PAPSS1: variants seen among roughly 807,000 people sequenced by gnomAD.
The protein encoded by PAPSS1 is 3'-phosphoadenosine 5'-phosphosulfate synthase 1.
In PAPSS1, 50 loss-of-function variants were observed where a neutral mutation model predicts 72.0. That is an observed-to-expected ratio of 0.69 (90% CI 0.55 to 0.88). PAPSS1 has a LOEUF of 0.88. PAPSS1 is among the 40% of genes least tolerant of loss of function. The probability of loss-of-function intolerance (pLI) is 0.00; values close to 1 mark genes in which losing one functional copy is unlikely to be tolerated. For synonymous variants in PAPSS1, 261 were observed against 263.6 expected, an observed-to-expected ratio of 0.99 and a Z score of 0.09; for missense variants, 657 against 782.2, an observed-to-expected ratio of 0.84 and a Z score of 1.91.
chr4:107,665,374 A>C (rs1344572728), intron 5 of PAPSS1, among the ~76,000 whole-genome samples: 2 of 152,244 alleles, frequency 1.3e-5, no homozygotes, highest in African/African-American at 4.8e-5. Context: ...GGTCCCTGCC[A>C]CATGAGCTAT....
At chr4:107,634,269 G>C in intron 10 of PAPSS1, among the ~76,000 whole-genome samples, 1 of 152,062 alleles carries the variant, frequency 6.6e-6, no homozygotes, top group East Asian at 1.9e-4. Context: ...TCCCACCTCA[G>C]CCTCCCAAAG....
chr4:107,705,658 T>C lies in PAPSS1; in HGVS notation c.61-4373A>G, dbSNP rs139369336. 2.2e-4 allele frequency among the ~76,000 whole-genome samples: 34 copies of C among 152,360 alleles called. No individual in the cohort carries two copies. The East Asian group carries it at 5.8e-3, about 26-fold the overall frequency. ...AGTGAAGACATCCCTTAACAAATTA[T>C]TGTCACTATTGTTAATTGTCTTTTA... On this transcript the variant is annotated intron_variant, in intron 1 of 11. Transcript: ENST00000265174.
intron 5 of PAPSS1, among the ~76,000 whole-genome samples, chr4:107,672,497 C>T (rs1351466989): frequency 1.3e-5 from 2 of 152,162 alleles, no homozygotes; most frequent in African/African-American, 4.8e-5. Context: ...GATCAAACTG[C>T]AAGGTGGCAG....
rs1249713933 is a variant in PAPSS1, at chr4:107,672,208, A to G, written c.669+9807T>C. On this transcript the variant is annotated intron_variant, in intron 5 of 11. Transcript: ENST00000265174. ...CGGGCGCATCTCACTGGGGAGTGTCAGAAAGTGGGTGCAGGACAGTGGGTG... is the reference window on the plus strand; with the variant it reads ...CGGGCGCATCTCACTGGGGAGTGTCGGAAAGTGGGTGCAGGACAGTGGGTG... 5.3e-5 allele frequency among the ~76,000 whole-genome samples: 8 copies of G among 152,280 alleles called. No homozygotes were observed. In the South Asian group the frequency reaches 1.7e-3, roughly 32 times the overall value.
At chr4:107,706,146 G>A (rs1161823413) in intron 1 of PAPSS1, among the ~76,000 whole-genome samples, 1 of 152,160 alleles carries the variant, frequency 6.6e-6, no homozygotes, top group Non-Finnish European at 1.5e-5. Flanking sequence ...GATTGAATCT[G>A]ATTAGAACTT....
chr4:107,668,274 A>G (rs552899495), intron 5 of PAPSS1, among the ~76,000 whole-genome samples: 1 of 152,300 alleles, frequency 6.6e-6, no homozygotes, highest in East Asian at 1.9e-4. Context: ...AATTATAAAT[A>G]CTTCTCAATT....
At chr4:107,632,585 G>A (rs984846936) in intron 10 of PAPSS1, among the ~76,000 whole-genome samples, 4 of 151,630 alleles carry the variant, frequency 2.6e-5, no homozygotes, top group African/African-American at 9.7e-5. Flanking sequence ...CTAGTTTCAG[G>A]CCTAGTAAGA....
chr4:107,660,120 G>A, intron 5 of PAPSS1, 48 bp from the exon 6 acceptor site: 1 of 969,554 alleles, frequency 1.0e-6, no homozygotes, highest in Non-Finnish European at 1.6e-6. Context: ...CAAGAATTTA[G>A]AGTTCACCAA....
At chr4:107,703,235 G>C (rs949973363) in intron 1 of PAPSS1, among the ~76,000 whole-genome samples, 3 of 151,796 alleles carry the variant, frequency 2.0e-5, no homozygotes, top group African/African-American at 7.3e-5. Flanking sequence ...GAGTTGTTTG[G>C]CTTCCTATTT....
chr4:107,670,669 T>C (rs1372282400), intron 5 of PAPSS1, among the ~76,000 whole-genome samples: 11 of 152,096 alleles, frequency 7.2e-5, no homozygotes, highest in Admixed American at 7.2e-4. Context: ...CTCCTGAGTA[T>C]CTGGGATGTG....
intron 7 of PAPSS1, among the ~76,000 whole-genome samples, chr4:107,655,105 TAA>T (rs61591737): frequency 5.1e-4 from 60 of 117,646 alleles, no homozygotes; most frequent in Admixed American, 6.1e-4. Flanking sequence ...TCTCCCAAGT[TAA>T]AAAAAAAAAA....
chr4:107,685,922 A>G (rs1367207320), intron 4 of PAPSS1, among the ~76,000 whole-genome samples: 1 of 152,206 alleles, frequency 6.6e-6, no homozygotes, highest in Non-Finnish European at 1.5e-5. Flanking sequence ...AGGCAAACTT[A>G]AAAGTTACCT....
intron 10 of PAPSS1, among the ~76,000 whole-genome samples, chr4:107,634,423 C>T (rs1036292097): frequency 1.3e-5 from 2 of 152,270 alleles, no homozygotes; most frequent in Non-Finnish European, 1.5e-5. Context: ...AATGATTAAT[C>T]CAATTCTGTG....
intron 11 of PAPSS1, among the ~76,000 whole-genome samples, chr4:107,614,969 A>ATTTT (rs10681522): frequency 6.7e-6 from 1 of 150,166 alleles, no homozygotes; most frequent in African/African-American, 2.5e-5. Context: ...CTAAAACTAG[A>ATTTT]TTTTTTTTTT....
intron 5 of PAPSS1, 142 bp downstream of exon 5, chr4:107,681,873 G>C (rs549271313): frequency 5.3e-6 from 3 of 568,952 alleles, no homozygotes; most frequent in Non-Finnish European, 3.1e-6. Flanking sequence ...CTGACATACA[G>C]ACACAGAACA....
chr4:107,715,454 A>G (rs1397076048), intron 1 of PAPSS1, among the ~76,000 whole-genome samples: 1 of 152,156 alleles, frequency 6.6e-6, no homozygotes, highest in Non-Finnish European at 1.5e-5. Context: ...GGACAAGTAC[A>G]TTGGCCTCTT....
Position 107,644,994 on chromosome 4 carries a change from T to C in PAPSS1, c.1314A>G (p.Gln438=). 6.2e-7 allele frequency: 1 copy of C among 1,612,792 alleles called. No homozygotes were observed. Among genetic ancestry groups the C allele is most frequent in the East Asian group, 2.2e-5 (1 of 44,836 alleles). Residue 438 remains glutamine, a synonymous_variant, in exon 10 of 12, where the codon CAA becomes CAG. Coordinates refer to ENST00000265174, the MANE Select transcript of PAPSS1 (RefSeq NM_005443.5). ...HALLMQDTHK[Q]LLERGYRRPV... is the part of the protein sequence containing the mutation. ...GGCGCCGGTAGCCCCTCTCTAGAAG[T>C]TGCTTATGGGTATCCTGCATTAACA...
intron 6 of PAPSS1, among the ~76,000 whole-genome samples, chr4:107,657,736 C>G (rs1039508046): frequency 2.1e-5 from 3 of 142,430 alleles, no homozygotes; most frequent in African/African-American, 7.9e-5. Context: ...TAGAGTGAGA[C>G]CATGTCTCAA....
At chr4:107,631,448 T>C (rs1726222914) in intron 11 of PAPSS1, among the ~76,000 whole-genome samples, 183 bp downstream of exon 11, 1 of 152,194 alleles carries the variant, frequency 6.6e-6, no homozygotes, top group African/African-American at 2.4e-5. Context: ...TGAAACTAGA[T>C]TCAAGTTTTA....
Sources: allele counts gnomAD v4.1 joint callset (sites outside exome capture counted in the v4.1 genomes callset), GRCh38; gene constraint gnomAD v4.1.1; transcripts MANE v1.5; gene names NCBI Gene and HGNC (gene_info 2026-07-23, HGNC 2026-07-21).